NFASC: variants seen among roughly 807,000 people sequenced by gnomAD.
NFASC encodes neurofascin.
NFASC carries 43 observed loss-of-function variants against 147.5 expected under a neutral mutation model. That is an observed-to-expected ratio of 0.29 (90% CI 0.23 to 0.38). NFASC has a LOEUF of 0.38. Ranked by LOEUF, NFASC falls within the 10% of genes least tolerant of loss-of-function variation. The pLI is 1.00. For missense variants in NFASC, 1,320 were observed against 1,689.0 expected (o/e 0.78, Z 3.83); for synonymous variants, 622 against 665.5 (o/e 0.93, Z 1.01).
At chr1:204,927,168 A>C (rs1209427916) in intron 2 of NFASC, among the ~76,000 whole-genome samples, 5 of 151,990 alleles carry the variant, frequency 3.3e-5, no homozygotes, top group Admixed American at 2.6e-4. Context: ...ATCACAATGG[A>C]TTTTAGGACA....
In NFASC at chr1:205,016,578, G is replaced by A; in HGVS notation, c.*39G>A. The A allele has an allele frequency of 6.8e-7, 1 of 1,466,902 alleles. No homozygotes were observed. The highest frequency in any genetic ancestry group is 9.6e-7 in the Non-Finnish European group (1 of 1,046,728). The allele number at this position is 1,466,902 out of a possible 1,614,324, so 90.9% of individuals were successfully genotyped here. A position where few individuals can be genotyped will look rare whatever the true frequency, so the allele number is the denominator to read the frequency against. ...GGCACAGCCACCACTTTGCAAGTGG[G>A]AGGAGGGGAGAAGGGGAGACAAAAC... On this transcript the variant is annotated 3_prime_UTR_variant, in exon 30 of 30. Coordinates refer to ENST00000339876, the MANE Select transcript of NFASC (RefSeq NM_001005388.3). This position sits in a 1 kb window ranked among gnomAD's most constrained non-coding sequence, Gnocchi z 5.1.
At chr1:204,899,175 G>A (rs1039583023) in intron 1 of NFASC, among the ~76,000 whole-genome samples, 6 of 152,190 alleles carry the variant, frequency 3.9e-5, no homozygotes, top group African/African-American at 1.2e-4. Flanking sequence ...TCACAGCACC[G>A]CTGGCTCCAT....
At chr1:204,916,830 T>C (rs61819448) in intron 1 of NFASC, among the ~76,000 whole-genome samples, 32,433 of 152,114 alleles carry the variant, frequency 0.21, 3,894 homozygotes, top group East Asian at 0.43. Flanking sequence ...GTCTCAGCCT[T>C]CCAGGGTGCT....
At chr1:204,853,764 T>C (rs892011815) in intron 1 of NFASC, among the ~76,000 whole-genome samples, 4 of 152,192 alleles carry the variant, frequency 2.6e-5, no homozygotes, top group African/African-American at 7.2e-5. Flanking sequence ...GGAGTCCCCA[T>C]GGTGAAGGTG....
intron 2 of NFASC, among the ~76,000 whole-genome samples, chr1:204,923,819 G>T (rs887491479): frequency 3.3e-5 from 5 of 152,114 alleles, no homozygotes; most frequent in African/African-American, 1.2e-4. Context: ...AACGGTGAAA[G>T]CTACTGCCCT....
At chr1:204,984,052 T>TA (rs1372022755) in intron 21 of NFASC, 2 of 1,614,012 alleles carry the variant, frequency 1.2e-6, no homozygotes, top group Non-Finnish European at 1.7e-6. Flanking sequence ...CCACTGAAGT[T>TA]AAAGTCCGAG....
chr1:204,883,390 T>C (rs987912480), intron 1 of NFASC, among the ~76,000 whole-genome samples: 6 of 152,194 alleles, frequency 3.9e-5, no homozygotes, highest in African/African-American at 1.4e-4. Context: ...AACTCTGCTT[T>C]CTAGCCCCTT....
intron 1 of NFASC, among the ~76,000 whole-genome samples, chr1:204,887,053 A>T (rs1265035448): frequency 6.6e-6 from 1 of 152,336 alleles, no homozygotes; most frequent in South Asian, 2.1e-4. Flanking sequence ...GATATTAAGT[A>T]CATGTATGTT....
intron 1 of NFASC, among the ~76,000 whole-genome samples, chr1:204,894,234 A>G (rs1413933754): frequency 6.6e-6 from 1 of 152,236 alleles, no homozygotes; most frequent in Non-Finnish European, 1.5e-5. Context: ...TCATTGGCCA[A>G]CTTGGCCATA....
intron 8 of NFASC, among the ~76,000 whole-genome samples, chr1:204,962,555 GT>G (rs1382753981): frequency 1.3e-5 from 2 of 152,252 alleles, no homozygotes; most frequent in Non-Finnish European, 2.9e-5. Flanking sequence ...CCTATTGGTA[GT>G]TGAAAGAACA....
intron 1 of NFASC, among the ~76,000 whole-genome samples, chr1:204,909,536 ATCT>A (rs2086847510): frequency 6.6e-6 from 1 of 152,200 alleles, no homozygotes; most frequent in Non-Finnish European, 1.5e-5. Flanking sequence ...CCCACTCGTC[ATCT>A]TCTTTCGCAG....
chr1:205,008,026 G>T (rs1008990076), intron 27 of NFASC, among the ~76,000 whole-genome samples: 1 of 152,094 alleles, frequency 6.6e-6, no homozygotes, highest in African/African-American at 2.4e-5. Context: ...CCTTGTTCTC[G>T]CAGGCCTCAC....
At chr1:204,962,495 A>G (rs979904452) in intron 8 of NFASC, among the ~76,000 whole-genome samples, 5 of 152,260 alleles carry the variant, frequency 3.3e-5, no homozygotes, top group Non-Finnish European at 5.9e-5. Flanking sequence ...AAGGGAGACT[A>G]TCTTAAAATA....
chr1:204,879,212 A>G (rs1438292932), intron 1 of NFASC, among the ~76,000 whole-genome samples: 1 of 152,248 alleles, frequency 6.6e-6, no homozygotes, highest in African/African-American at 2.4e-5. Flanking sequence ...GAATGCAACT[A>G]TGACAAGTTG....
intron 3 of NFASC, chr1:204,948,802 C>T: frequency 2.0e-6 from 1 of 496,500 alleles, no homozygotes; most frequent in Admixed American, 2.1e-5. Flanking sequence ...GGTCCCTTGT[C>T]AGGCTTGCTA....
At chr1:204,943,096 G>C (rs2093473161) in intron 2 of NFASC, among the ~76,000 whole-genome samples, 1 of 152,222 alleles carries the variant, frequency 6.6e-6, no homozygotes, top group Non-Finnish European at 1.5e-5. Flanking sequence ...ATAGGAGCAG[G>C]AGAATGATGT....
intron 1 of NFASC, among the ~76,000 whole-genome samples, chr1:204,912,584 T>A (rs1013460743): frequency 3.9e-5 from 6 of 152,002 alleles, no homozygotes; most frequent in Non-Finnish European, 8.8e-5. Flanking sequence ...GCATCTGTGG[T>A]CCCAGCTGCT....
chr1:204,997,301 GCCA>G lies in NFASC; in HGVS notation c.2926_2928del (p.Thr976del), dbSNP rs746004343. 68 of 1,599,088 alleles carry G rather than the reference GCCA, an allele frequency of 4.3e-5. 1 individual carries two copies. Among genetic ancestry groups the G allele is most frequent in the African/African-American group, 5.4e-5 (4 of 74,298 alleles). On this transcript the variant is annotated inframe_deletion, in exon 25 of 30. Coordinates refer to ENST00000339876, the MANE Select transcript of NFASC (RefSeq NM_001005388.3). ...CCCAACTGTCGCACCTACCACCATC[GCCA>G]CCACCACCACCGTCGCCACAACTAC...
At chr1:204,939,038 ATGTGTGTGTGTGTGTG>A (rs60166382) in intron 2 of NFASC, among the ~76,000 whole-genome samples, 17 of 123,746 alleles carry the variant, frequency 1.4e-4, no homozygotes, top group South Asian at 3.0e-4. Context: ...GTATGGATGG[ATGTGTGTGTGTGTGTG>A]TGTGTGTGTG....
Sources: allele counts gnomAD v4.1 joint callset (sites outside exome capture counted in the v4.1 genomes callset), GRCh38; gene constraint gnomAD v4.1.1; non-coding constraint Gnocchi (gnomAD v3.1); transcripts MANE v1.5; gene names NCBI Gene and HGNC (gene_info 2026-07-23, HGNC 2026-07-21).